KCNH1: variants seen among roughly 807,000 people sequenced by gnomAD.
The protein encoded by KCNH1 is potassium voltage-gated channel subfamily H member 1.
Under a neutral mutation model 69.2 loss-of-function variants are expected in KCNH1, and 27 were observed. The observed-to-expected ratio is 0.39, with a 90% CI of 0.29 to 0.54. The LOEUF (loss-of-function observed/expected upper bound fraction) is 0.54, where lower values mean the gene tolerates loss of function less well. Ranked by LOEUF, KCNH1 falls within the 20% of genes least tolerant of loss-of-function variation. The pLI is 0.68. For missense variants in KCNH1, 798 were observed against 1,261.6 expected, an observed-to-expected ratio of 0.63 and a Z score of 5.57; for synonymous variants, 456 against 487.7, an observed-to-expected ratio of 0.93 and a Z score of 0.86.
At chr1:210,998,440 T>G (rs1571564763) in intron 6 of KCNH1, among the ~76,000 whole-genome samples, 1 of 152,284 alleles carries the variant, frequency 6.6e-6, no homozygotes, top group South Asian at 2.1e-4. Flanking sequence ...GGTAAAGGGA[T>G]CAATTCAACA....
intron 3 of KCNH1, among the ~76,000 whole-genome samples, chr1:211,098,277 C>T (rs766089403): frequency 1.4e-4 from 21 of 149,432 alleles, no homozygotes; most frequent in Non-Finnish European, 2.1e-4. Flanking sequence ...GCTGAGATCG[C>T]GCCACTGCAC....
chr1:211,057,701 A>AAGAG (rs139632604), intron 5 of KCNH1, among the ~76,000 whole-genome samples: 1 of 150,494 alleles, frequency 6.6e-6, no homozygotes, highest in Non-Finnish European at 1.5e-5. Context: ...GAGAGAAAGA[A>AAGAG]AGAGAGAGAG....
Position 211,133,781 on chromosome 1 carries a change from A to C in KCNH1, c.79+86T>G. ...TAGCAGAGCTCGCGGGTTCTGCTGC[A>C]TCTGCTGGCTCCGAGCGGCGAGAGG... On this transcript the variant is annotated intron_variant, in intron 1 of 10. Transcript: ENST00000271751. The surrounding 1 kb of genome is among the most constrained non-coding windows in gnomAD (Gnocchi z 5.4). 1 of 1,284,730 alleles carries C rather than the reference A, an allele frequency of 7.8e-7. No homozygotes were observed. The highest frequency in any genetic ancestry group is 1.8e-5 in the Admixed American group (1 of 55,934). 79.6% of individuals were successfully genotyped at this position (1,284,730 alleles called of 1,614,324 possible).
rs747498526 is a variant in KCNH1, at chr1:211,050,260, T to TAAAAAAAAAAAAAAAA, written c.559-31020_559-31005dup. Among the ~76,000 whole-genome samples, 100 of 58,548 alleles carry TAAAAAAAAAAAAAAAA rather than the reference T, an allele frequency of 1.7e-3. 13 individuals are homozygous for TAAAAAAAAAAAAAAAA. Among genetic ancestry groups the TAAAAAAAAAAAAAAAA allele is most frequent in the Middle Eastern group, 9.8e-3 (1 of 102 alleles). 38.4% of individuals were successfully genotyped at this position (58,548 alleles called of 152,430 possible). A position where few individuals can be genotyped will look rare whatever the true frequency, so the allele number is the denominator to read the frequency against. ...AGGACAAACTCAGCCCACACATTCT[T>TAAAAAAAAAAAAAAAA]AAAAAAAAAAAAAAAAAAAAAAAAA... On this transcript the variant is annotated intron_variant, in intron 5 of 10. Coordinates refer to ENST00000271751, the MANE Select transcript of KCNH1 (RefSeq NM_172362.3).
Position 211,094,224 on chromosome 1 carries a change from G to A in KCNH1, c.311-3534C>T, listed in dbSNP as rs1409097908. 2.0e-5 allele frequency among the ~76,000 whole-genome samples: 3 copies of A among 152,204 alleles called. No individual in the cohort carries two copies. The East Asian group carries it at 5.8e-4, about 29-fold the overall frequency. ...TCTCATAAGGAGCAGGCAACCTCAC[G>A]TATACAGTTCACAATAGGGTTCACG... On this transcript the variant is annotated intron_variant, in intron 3 of 10. Transcript: ENST00000271751.
chr1:210,858,815 C>A, intron 7 of KCNH1: 1 of 205,224 alleles, frequency 4.9e-6, no homozygotes, highest in Non-Finnish European at 1.0e-5. Context: ...GTAGCCCATG[C>A]CTATTTTTTC....
chr1:210,840,488 A>G (rs1685383722), intron 7 of KCNH1, among the ~76,000 whole-genome samples: 1 of 152,198 alleles, frequency 6.6e-6, no homozygotes, highest in African/African-American at 2.4e-5. Flanking sequence ...TGCGGCAGGC[A>G]GGAGGGGGGC....
intron 3 of KCNH1, among the ~76,000 whole-genome samples, chr1:211,093,215 C>A (rs74156900): frequency 0.015 from 2,331 of 152,274 alleles, 60 homozygotes; most frequent in African/African-American, 0.053. Context: ...TCTCCAAGAT[C>A]ATGAAAACCA....
chr1:210,994,895 T>C lies in KCNH1; in HGVS notation c.1032+23888A>G, dbSNP rs114790230. 8.2e-3 allele frequency among the ~76,000 whole-genome samples: 1,248 copies of C among 152,298 alleles called. 15 individuals carry two copies. The highest frequency in any genetic ancestry group is 0.026 in the African/African-American group (1,090 of 41,564). On this transcript the variant is annotated intron_variant, in intron 6 of 10. Coordinates refer to ENST00000271751, the MANE Select transcript of KCNH1 (RefSeq NM_172362.3). ...TTCTGAGCCTCTGTTTCCTCACGTA[T>C]AAAAATGGAATGATGATATGCCAGA...
intron 7 of KCNH1, among the ~76,000 whole-genome samples, chr1:210,830,729 C>G (rs1685141716): frequency 6.6e-6 from 1 of 152,174 alleles, no homozygotes; most frequent in African/African-American, 2.4e-5. Flanking sequence ...TAATCTATCT[C>G]CAGTGACTCC....
At chr1:211,071,950 G>C (rs143067634) in intron 5 of KCNH1, among the ~76,000 whole-genome samples, 1 of 152,212 alleles carries the variant, frequency 6.6e-6, no homozygotes, top group East Asian at 1.9e-4. Context: ...CACCAACCTA[G>C]AATTTTGGGC....
intron 6 of KCNH1, among the ~76,000 whole-genome samples, chr1:210,932,165 A>G (rs1321886014): frequency 6.6e-6 from 1 of 152,190 alleles, no homozygotes; most frequent in Non-Finnish European, 1.5e-5. Context: ...AGGGTTATCT[A>G]TGAGGCACAT....
At chr1:210,945,834 C>G (rs1344619118) in intron 6 of KCNH1, among the ~76,000 whole-genome samples, 1 of 152,216 alleles carries the variant, frequency 6.6e-6, no homozygotes, top group Non-Finnish European at 1.5e-5. Context: ...ATGTTAACTT[C>G]TCCAAAAAGG....
chr1:211,129,869 C>A (rs531400791), intron 1 of KCNH1, among the ~76,000 whole-genome samples: 1 of 152,282 alleles, frequency 6.6e-6, no homozygotes, highest in Admixed American at 6.5e-5. Context: ...TAAATCTGTA[C>A]CAAAATGTGC....
rs556065459 is a variant in KCNH1 at position 210,885,521 on chromosome 1, A to G, written c.1462+34119T>C. Among the ~76,000 whole-genome samples the G allele has an allele frequency of 1.4e-3, 210 of 151,720 alleles. 2 individuals are homozygous for G. Among genetic ancestry groups the G allele is most frequent in the African/African-American group, 4.8e-3 (200 of 41,318 alleles). On this transcript the variant is annotated intron_variant, in intron 7 of 10. Coordinates refer to ENST00000271751, the MANE Select transcript of KCNH1 (RefSeq NM_172362.3). Reference sequence around the variant, plus strand: ...GTTTTTTTTTTCATACCCCAGTGGCACCTGGAACACCAGCGAGACAGAACC... The same window carrying G: ...GTTTTTTTTTTCATACCCCAGTGGCGCCTGGAACACCAGCGAGACAGAACC...
intron 6 of KCNH1, among the ~76,000 whole-genome samples, chr1:211,013,379 A>G (rs4951703): frequency 0.064 from 9,787 of 152,172 alleles, 505 homozygotes; most frequent in South Asian, 0.18. Flanking sequence ...ACACACCTGC[A>G]CCAGTGACCT....
At chr1:210,980,235 C>G (rs539756481) in intron 6 of KCNH1, among the ~76,000 whole-genome samples, 69 of 152,254 alleles carry the variant, frequency 4.5e-4, no homozygotes, top group African/African-American at 1.7e-3. Context: ...AACTACAAAC[C>G]TGATCCCCAG....
At chr1:210,803,845 C>T (rs1684476857) in intron 8 of KCNH1, 122 bp downstream of exon 8, 1 of 829,040 alleles carries the variant, frequency 1.2e-6, no homozygotes, top group South Asian at 1.7e-5. Context: ...ACCTGGAATC[C>T]CAAAGTACTC....
chr1:210,931,937 A>G (rs1365596761), intron 6 of KCNH1, among the ~76,000 whole-genome samples: 2 of 152,024 alleles, frequency 1.3e-5, no homozygotes, highest in African/African-American at 4.8e-5. Context: ...GTAACCCAGA[A>G]GACAAAGTAA....
Sources: allele counts gnomAD v4.1 joint callset (sites outside exome capture counted in the v4.1 genomes callset), GRCh38; gene constraint gnomAD v4.1.1; non-coding constraint Gnocchi (gnomAD v3.1); transcripts MANE v1.5; gene names NCBI Gene and HGNC (gene_info 2026-07-23, HGNC 2026-07-21).